The following NMU variants were observed in gnomAD, a reference collection of about 807,000 sequenced individuals.
NMU encodes the protein neuromedin-U.
Under a neutral mutation model 35.4 loss-of-function variants are expected in NMU, and 29 were observed. The ratio of observed to expected loss-of-function variants is 0.82; its 90% CI spans 0.61 to 1.12. The LOEUF (loss-of-function observed/expected upper bound fraction) is 1.12. Among genes scored for constraint, NMU ranks in the 50% most tolerant of loss-of-function variants. The probability of loss-of-function intolerance (pLI) is 0.00; values close to 1 mark genes in which losing one functional copy is unlikely to be tolerated. For missense variants in NMU, 199 were observed against 206.2 expected, an observed-to-expected ratio of 0.97 and a Z score of 0.21; for synonymous variants, 78 against 81.3, an observed-to-expected ratio of 0.96 and a Z score of 0.22.
chr4:55,596,995 T>C (rs1189043257), intron 9 of NMU, among the ~76,000 whole-genome samples: 1 of 152,194 alleles, frequency 6.6e-6, no homozygotes, highest in Non-Finnish European at 1.5e-5. Flanking sequence ...GTTGAGATTA[T>C]CATAATTTTT....
chr4:55,602,649 T>C (rs1254982849), intron 7 of NMU, among the ~76,000 whole-genome samples: 5 of 152,228 alleles, frequency 3.3e-5, no homozygotes, highest in African/African-American at 9.6e-5. Flanking sequence ...CAAACACTTT[T>C]AAGAAGTAAA....
At chr4:55,619,543 A>G (rs1156803830) in intron 2 of NMU, among the ~76,000 whole-genome samples, 8 of 143,014 alleles carry the variant, frequency 5.6e-5, no homozygotes, top group Non-Finnish European at 9.2e-5. Context: ...GATTGCCAGC[A>G]CAGCAGTCTG....
At chr4:55,614,476 A>T (rs1421756767) in intron 3 of NMU, among the ~76,000 whole-genome samples, 4 of 152,198 alleles carry the variant, frequency 2.6e-5, no homozygotes, top group Non-Finnish European at 5.9e-5. Flanking sequence ...CTCAAGCATG[A>T]TTCCAGGTGC....
chr4:55,603,926 A>AAATAT (rs1553909752), intron 7 of NMU, among the ~76,000 whole-genome samples: 2 of 43,488 alleles, frequency 4.6e-5, no homozygotes, highest in Non-Finnish European at 7.9e-5. Flanking sequence ...AAAAAAAAAA[A>AAATAT]ATATATATAT....
chr4:55,595,699 G>A (rs1188348095), intron 9 of NMU, among the ~76,000 whole-genome samples: 9 of 146,160 alleles, frequency 6.2e-5, no homozygotes, highest in African/African-American at 2.0e-4. Flanking sequence ...GGAGTGCAGT[G>A]GCGCGATCTT....
intron 9 of NMU, 63 bp downstream of exon 9, chr4:55,599,079 T>G: frequency 9.4e-7 from 1 of 1,062,344 alleles, no homozygotes; most frequent in Non-Finnish European, 1.4e-6. Flanking sequence ...AATGTCAAAC[T>G]GTGTTGAACT....
chr4:55,614,869 T>G (rs1003353518), intron 3 of NMU, among the ~76,000 whole-genome samples: 1 of 152,258 alleles, frequency 6.6e-6, no homozygotes. Flanking sequence ...CCAATGCTCC[T>G]TGAATAATTT....
At chr4:55,596,339 A>G (rs1443817677) in intron 9 of NMU, among the ~76,000 whole-genome samples, 3 of 150,630 alleles carry the variant, frequency 2.0e-5, no homozygotes, top group African/African-American at 7.3e-5. Flanking sequence ...ATCTGAATAA[A>G]GCAATTATTC....
At position 55,603,835 on chromosome 4, in the gene NMU, C is replaced by T. The variant is rs189194926; in HGVS notation, c.435+1440G>A. Among the ~76,000 whole-genome samples the T allele has an allele frequency of 1.6e-3, 243 of 147,458 alleles. 3 individuals are homozygous for T. The East Asian group carries it at 0.047, about 28-fold the overall frequency. Reference sequence around the variant, plus strand: ...GCTGAGGCAGGCGAATGGTGTGAACCCGGGGGGCGGAGCTTGCAGTGAGCC... The same window carrying T: ...GCTGAGGCAGGCGAATGGTGTGAACTCGGGGGGCGGAGCTTGCAGTGAGCC... On this transcript the variant is annotated intron_variant, in intron 7 of 9. Transcript: ENST00000264218.
intron 9 of NMU, among the ~76,000 whole-genome samples, chr4:55,597,617 TG>T (rs1166895963): frequency 2.0e-5 from 3 of 152,104 alleles, no homozygotes; most frequent in African/African-American, 7.2e-5. Context: ...CCGCCCACCT[TG>T]GCCTCCCAAG....
intron 1 of NMU, among the ~76,000 whole-genome samples, chr4:55,631,948 T>G (rs1337844442): frequency 6.6e-6 from 1 of 152,132 alleles, no homozygotes; most frequent in Non-Finnish European, 1.5e-5. Context: ...ATAAAGAAAA[T>G]GTGGTCAATA....
chr4:55,628,077 G>A (rs1325285139), intron 2 of NMU, among the ~76,000 whole-genome samples: 1 of 152,134 alleles, frequency 6.6e-6, no homozygotes, highest in Non-Finnish European at 1.5e-5. Flanking sequence ...ATTACCACTG[G>A]ACCTTTTTTG....
chr4:55,634,711 T>C (rs1715804991), intron 1 of NMU, among the ~76,000 whole-genome samples: 1 of 152,218 alleles, frequency 6.6e-6, no homozygotes. Context: ...CATCCTAAGT[T>C]ACCAATAATA....
intron 3 of NMU, among the ~76,000 whole-genome samples, chr4:55,612,291 T>C (rs1045101103): frequency 3.9e-5 from 6 of 152,190 alleles, no homozygotes; most frequent in African/African-American, 1.4e-4. Flanking sequence ...TCCCAGCTAT[T>C]CAGGAGGCTG....
At chr4:55,604,888 G>A (rs1315996516) in intron 7 of NMU, among the ~76,000 whole-genome samples, 1 of 151,656 alleles carries the variant, frequency 6.6e-6, no homozygotes, top group East Asian at 1.9e-4. Flanking sequence ...CTAGCTATTT[G>A]CCAAGCTGGA....
At chr4:55,618,308 C>T (rs952185489) in intron 2 of NMU, among the ~76,000 whole-genome samples, 3 of 152,158 alleles carry the variant, frequency 2.0e-5, no homozygotes, top group Non-Finnish European at 4.4e-5. Context: ...CCCATCAACT[C>T]GTCATCTAGG....
chr4:55,599,721 T>G (rs2110180621), intron 8 of NMU, among the ~76,000 whole-genome samples: 1 of 152,294 alleles, frequency 6.6e-6, no homozygotes. Context: ...TGCTTCAGGA[T>G]TCAGCCCTTG....
intron 3 of NMU, among the ~76,000 whole-genome samples, chr4:55,611,950 T>C (rs536715944): frequency 1.3e-5 from 2 of 152,348 alleles, no homozygotes; most frequent in East Asian, 3.9e-4. Context: ...TCTAAGAGAC[T>C]GTCACTTGCC....
At chr4:55,601,620 A>C (rs1328632920) in intron 7 of NMU, among the ~76,000 whole-genome samples, 3 of 152,184 alleles carry the variant, frequency 2.0e-5, no homozygotes, top group Non-Finnish European at 4.4e-5. Context: ...ATGAAAAATA[A>C]AAAATAAAAG....
Sources: allele counts gnomAD v4.1 joint callset (sites outside exome capture counted in the v4.1 genomes callset), GRCh38; gene constraint gnomAD v4.1.1; transcripts MANE v1.5; gene names NCBI Gene and HGNC (gene_info 2026-07-23, HGNC 2026-07-21).